DOK5: variants seen among roughly 807,000 people sequenced by gnomAD.
The protein encoded by DOK5 is docking protein 5.
DOK5 carries 27 observed loss-of-function variants against 43.3 expected under a neutral mutation model. That is an observed-to-expected ratio of 0.62 (90% CI 0.46 to 0.86). The LOEUF (loss-of-function observed/expected upper bound fraction) is 0.86, where lower values mean the gene tolerates loss of function less well. Ranked by LOEUF, DOK5 falls within the 40% of genes least tolerant of loss-of-function variation. The probability of loss-of-function intolerance (pLI) is 0.00; values close to 1 mark genes in which losing one functional copy is unlikely to be tolerated. For synonymous variants in DOK5, 146 were observed against 140.1 expected (o/e 1.04, Z -0.30); for missense variants, 373 against 392.9 (o/e 0.95, Z 0.43).
intron 2 of DOK5, 104 bp from the exon 3 acceptor site, chr20:54,588,379 T>G (rs1277955289): frequency 1.2e-6 from 1 of 863,614 alleles, no homozygotes; most frequent in African/African-American, 1.7e-5. Flanking sequence ...CAGGTTGTGC[T>G]CAGCTGTGCT....
intron 1 of DOK5, among the ~76,000 whole-genome samples, chr20:54,515,021 T>A (rs947893515): frequency 6.6e-6 from 1 of 152,102 alleles, no homozygotes; most frequent in Non-Finnish European, 1.5e-5. Flanking sequence ...GTTATAATTT[T>A]TTTTTTAAGG....
chr20:54,483,412 C>T (rs1395526106), intron 1 of DOK5, among the ~76,000 whole-genome samples: 1 of 152,062 alleles, frequency 6.6e-6, no homozygotes, highest in Non-Finnish European at 1.5e-5. Context: ...TGTTAACCAC[C>T]TTAAATAAGG....
chr20:54,637,949 C>T lies in DOK5; in HGVS notation c.736-5509C>T, dbSNP rs144649320. On this transcript the variant is annotated intron_variant, in intron 6 of 7. Transcript: ENST00000262593. ...CATCGTGGCTAACACGGTGAAACCC[C>T]GTCTCTACTAAAAATACAAATAATC... Among the ~76,000 whole-genome samples the T allele has an allele frequency of 3.4e-3, 525 of 152,180 alleles. 3 individuals are homozygous for T. The highest frequency in any genetic ancestry group is 9.1e-3 in the African/African-American group (376 of 41,518).
At chr20:54,578,384 C>T (rs1432944628) in intron 2 of DOK5, among the ~76,000 whole-genome samples, 2 of 151,980 alleles carry the variant, frequency 1.3e-5, no homozygotes, top group African/African-American at 4.8e-5. Flanking sequence ...AGCTCCATTT[C>T]AAGAGAAAGA....
rs1278466595 is a variant in DOK5, at chr20:54,623,800, C to T, written c.735+13277C>T. On this transcript the variant is annotated intron_variant, in intron 6 of 7. Coordinates refer to ENST00000262593, the MANE Select transcript of DOK5 (RefSeq NM_018431.5). ...TTCACCATGTTAGCCAAGATGGTCT[C>T]GATCTCCTGACCTCATGATCCACCC... is the stretch of plus-strand genomic sequence containing the variant. Among the ~76,000 whole-genome samples the T allele has an allele frequency of 3.3e-5, 5 of 152,102 alleles. No individual in the cohort carries two copies. In the East Asian group the frequency reaches 5.8e-4, roughly 18 times the overall value.
chr20:54,528,440 C>T (rs770563045), intron 1 of DOK5, among the ~76,000 whole-genome samples: 52 of 151,062 alleles, frequency 3.4e-4, no homozygotes, highest in Non-Finnish European at 3.2e-4. Context: ...TTCTTGTATA[C>T]GGCTTCCCAC....
chr20:54,603,431 C>T (rs1047591997), intron 5 of DOK5, among the ~76,000 whole-genome samples: 6 of 152,244 alleles, frequency 3.9e-5, no homozygotes, highest in Non-Finnish European at 8.8e-5. Context: ...CACAGAATGT[C>T]CTTGTCATCC....
chr20:54,534,887 A>G (rs1212649560), intron 1 of DOK5, among the ~76,000 whole-genome samples: 8 of 147,004 alleles, frequency 5.4e-5, no homozygotes, highest in Admixed American at 5.3e-4. Flanking sequence ...CACAGGCTGG[A>G]GTGCAGTGGC....
chr20:54,576,524 G>T (rs1270942386), intron 2 of DOK5, among the ~76,000 whole-genome samples: 1 of 152,230 alleles, frequency 6.6e-6, no homozygotes, highest in Non-Finnish European at 1.5e-5. Context: ...TGACCAGGAA[G>T]GGGTGGAATT....
In DOK5 at chr20:54,603,940, A is replaced by ATTTTTTT. The variant is rs35690531; in HGVS notation, c.600-6430_600-6424dup. 6.7e-4 allele frequency among the ~76,000 whole-genome samples: 51 copies of ATTTTTTT among 76,276 alleles called. 2 individuals carry two copies. Among genetic ancestry groups the ATTTTTTT allele is most frequent in the Admixed American group, 9.3e-4 (5 of 5,394 alleles). 50.0% of individuals were successfully genotyped at this position (76,276 alleles called of 152,430 possible). A position where few individuals can be genotyped will look rare whatever the true frequency, so the allele number is the denominator to read the frequency against. On this transcript the variant is annotated intron_variant, in intron 5 of 7. Coordinates refer to ENST00000262593, the MANE Select transcript of DOK5 (RefSeq NM_018431.5). ...ATTGTACTCCACTTGTTCAAACTGT[A>ATTTTTTT]TTTTTTTTTTTTTTTTTTTTTTTTG...
At chr20:54,542,450 C>T (rs1984196406) in intron 1 of DOK5, among the ~76,000 whole-genome samples, 2 of 152,130 alleles carry the variant, frequency 1.3e-5, no homozygotes, top group South Asian at 4.1e-4. Context: ...TGCAGTGCTT[C>T]TGCTTTGGAG....
chr20:54,590,563 A>C (rs904385373), intron 4 of DOK5, among the ~76,000 whole-genome samples: 1 of 152,162 alleles, frequency 6.6e-6, no homozygotes, highest in Non-Finnish European at 1.5e-5. Context: ...TATGATTACT[A>C]GAAATCAACA....
intron 1 of DOK5, among the ~76,000 whole-genome samples, chr20:54,552,419 A>G (rs1194421487): frequency 1.3e-5 from 2 of 151,826 alleles, no homozygotes; most frequent in African/African-American, 4.8e-5. Context: ...TAGATGTAGT[A>G]TAATTTACTA....
chr20:54,618,615 C>T (rs1986889376), intron 6 of DOK5, among the ~76,000 whole-genome samples: 2 of 152,100 alleles, frequency 1.3e-5, no homozygotes, highest in Admixed American at 1.3e-4. Context: ...AGTGCTGGGA[C>T]CACAGGCATG....
chr20:54,492,766 G>A (rs1982237082), intron 1 of DOK5, among the ~76,000 whole-genome samples: 1 of 151,446 alleles, frequency 6.6e-6, no homozygotes, highest in Admixed American at 6.6e-5. Flanking sequence ...TTTAAAGGAT[G>A]TTCTTGGCCA....
intron 2 of DOK5, among the ~76,000 whole-genome samples, chr20:54,580,474 A>G (rs1647942261): frequency 6.6e-6 from 1 of 152,094 alleles, no homozygotes; most frequent in African/African-American, 2.4e-5. Flanking sequence ...GAGAGCACAC[A>G]AAGTTTCCAA....
intron 1 of DOK5, among the ~76,000 whole-genome samples, chr20:54,506,628 T>C (rs1299959463): frequency 1.3e-5 from 2 of 152,112 alleles, no homozygotes; most frequent in African/African-American, 4.8e-5. Context: ...CCTGGCTAAT[T>C]TTTACAAACT....
At chr20:54,588,875 C>A in intron 4 of DOK5, 69 bp downstream of exon 4, 1 of 1,533,412 alleles carries the variant, frequency 6.5e-7, no homozygotes, top group Non-Finnish European at 8.9e-7. Context: ...AAACATAAGA[C>A]ATCTTCATTA....
At chr20:54,635,078 C>A (rs1045448492) in intron 6 of DOK5, among the ~76,000 whole-genome samples, 47 of 152,262 alleles carry the variant, frequency 3.1e-4, no homozygotes, top group African/African-American at 1.1e-3. Context: ...GTCAGACATG[C>A]CTCATGATAC....
Sources: allele counts gnomAD v4.1 joint callset (sites outside exome capture counted in the v4.1 genomes callset), GRCh38; gene constraint gnomAD v4.1.1; transcripts MANE v1.5; gene names NCBI Gene and HGNC (gene_info 2026-07-23, HGNC 2026-07-21).